Variants in GBE1 observed in about 807,000 individuals in gnomAD.
GBE1 encodes the protein 1,4-alpha-glucan-branching enzyme.
GBE1 carries 70 observed loss-of-function variants against 88.8 expected under a neutral mutation model. The observed-to-expected ratio is 0.79, with a 90% CI of 0.65 to 0.96. GBE1 has a LOEUF of 0.96. GBE1 is among the 40% of genes least tolerant of loss of function. GBE1 has a pLI of 0.00. For synonymous variants in GBE1, 284 were observed against 300.1 expected, an observed-to-expected ratio of 0.95 and a Z score of 0.56; for missense variants, 872 against 871.0, an observed-to-expected ratio of 1.00 and a Z score of -0.01.
chr3:81,730,736 G>A (rs1356030868), intron 1 of GBE1, among the ~76,000 whole-genome samples: 2 of 152,170 alleles, frequency 1.3e-5, no homozygotes, highest in African/African-American at 4.8e-5. Context: ...CTGAGATCCT[G>A]TAGGAATGAA....
chr3:81,684,456 A>T (rs1252199379), intron 2 of GBE1, among the ~76,000 whole-genome samples: 1 of 152,126 alleles, frequency 6.6e-6, no homozygotes, highest in African/African-American at 2.4e-5. Context: ...TCTCTTCCCA[A>T]CTTGCAGAGT....
At chr3:81,634,672 T>C (rs960499388) in intron 7 of GBE1, among the ~76,000 whole-genome samples, 3 of 152,134 alleles carry the variant, frequency 2.0e-5, no homozygotes, top group Non-Finnish European at 2.9e-5. Flanking sequence ...GTATTTTACT[T>C]TACATAAAAT....
At chr3:81,611,450 G>A (rs1270152173) in intron 7 of GBE1, among the ~76,000 whole-genome samples, 1 of 152,156 alleles carries the variant, frequency 6.6e-6, no homozygotes, top group African/African-American at 2.4e-5. Flanking sequence ...GCAGCCCAGG[G>A]TATAATATTC....
At chr3:81,538,419 TAA>T (rs943259847) in intron 12 of GBE1, among the ~76,000 whole-genome samples, 7 of 152,006 alleles carry the variant, frequency 4.6e-5, no homozygotes, top group Admixed American at 2.0e-4. Flanking sequence ...TAAAAATTAA[TAA>T]GTGTCTACAA....
At chr3:81,617,688 C>T (rs1704267374) in intron 7 of GBE1, among the ~76,000 whole-genome samples, 1 of 151,754 alleles carries the variant, frequency 6.6e-6, no homozygotes, top group Non-Finnish European at 1.5e-5. Flanking sequence ...CTTCTTATTA[C>T]TATCTTTATC....
intron 12 of GBE1, among the ~76,000 whole-genome samples, chr3:81,538,977 C>G (rs530655827): frequency 1.3e-3 from 193 of 152,116 alleles, no homozygotes; most frequent in Non-Finnish European, 2.4e-3. Context: ...ATCACGATGA[C>G]AGTAGAAGCA....
At chr3:81,581,409 G>C (rs1333864855) in intron 10 of GBE1, 134 bp from the exon 11 acceptor site, 2 of 575,350 alleles carry the variant, frequency 3.5e-6, no homozygotes, top group Admixed American at 3.8e-5. Context: ...ATATAGCAAA[G>C]TTATCACTGT....
chr3:81,514,223 G>A (rs1220623844), intron 14 of GBE1, among the ~76,000 whole-genome samples: 1 of 149,242 alleles, frequency 6.7e-6, no homozygotes. Context: ...GAACACATGA[G>A]AAAAAAAAAC....
At chr3:81,621,804 C>T (rs1016686351) in intron 7 of GBE1, among the ~76,000 whole-genome samples, 2 of 152,150 alleles carry the variant, frequency 1.3e-5, no homozygotes, top group Non-Finnish European at 2.9e-5. Context: ...CATATTTCCT[C>T]TCACCTGGAA....
At chr3:81,510,560 A>C (rs1702712060) in intron 14 of GBE1, among the ~76,000 whole-genome samples, 1 of 151,964 alleles carries the variant, frequency 6.6e-6, no homozygotes, top group Non-Finnish European at 1.5e-5. Context: ...CCATAACTAC[A>C]TCAGATTAAT....
Position 81,550,937 on chromosome 3 carries a change from C to T in GBE1, c.1619-13842G>A, listed in dbSNP as rs1210038260. ...TACTTTCTTAATAAACTTGCTTTCACTTTACTCTATGGACTTTCTCTGAAT... is the reference window on the plus strand; with the variant it reads ...TACTTTCTTAATAAACTTGCTTTCATTTTACTCTATGGACTTTCTCTGAAT... On this transcript the variant is annotated intron_variant, in intron 12 of 15. Coordinates refer to ENST00000429644, the MANE Select transcript of GBE1 (RefSeq NM_000158.4). Among the ~76,000 whole-genome samples the T allele has an allele frequency of 3.9e-5, 6 of 152,320 alleles. No individual in the cohort carries two copies. In the South Asian group the frequency reaches 1.2e-3, roughly 32 times the overall value.
chr3:81,578,124 A>T, intron 11 of GBE1, 28 bp from the exon 12 acceptor site: 1 of 1,527,404 alleles, frequency 6.5e-7, no homozygotes. Flanking sequence ...ATGGAGATAA[A>T]TGAAAAAAAA....
At chr3:81,745,031 T>G (rs75481736) in intron 1 of GBE1, among the ~76,000 whole-genome samples, 10,144 of 152,250 alleles carry the variant, frequency 0.067, 440 homozygotes, top group Middle Eastern at 0.12. Context: ...ATTAAATATC[T>G]ACTCTGTGTT....
At chr3:81,685,003 C>T (rs1705412175) in intron 2 of GBE1, among the ~76,000 whole-genome samples, 1 of 152,192 alleles carries the variant, frequency 6.6e-6, no homozygotes, top group South Asian at 2.1e-4. Flanking sequence ...ACATGCCTAG[C>T]ATTAACCTTG....
intron 1 of GBE1, among the ~76,000 whole-genome samples, chr3:81,716,256 T>G (rs1705935546): frequency 6.6e-6 from 1 of 152,166 alleles, no homozygotes; most frequent in Admixed American, 6.5e-5. Flanking sequence ...CTCAAATTAA[T>G]AAAATATATA....
At chr3:81,665,531 G>T (rs371043492) in intron 3 of GBE1, among the ~76,000 whole-genome samples, 2 of 131,472 alleles carry the variant, frequency 1.5e-5, no homozygotes, top group Admixed American at 7.8e-5. Flanking sequence ...GCGAGACTCC[G>T]TCTCAAAAAA....
At position 81,750,674 on chromosome 3, in the gene GBE1, CGTATAT is replaced by C. The variant is rs1559708990; in HGVS notation, c.143+10695_143+10700del. Among the ~76,000 whole-genome samples the C allele has an allele frequency of 3.1e-4, 17 of 54,440 alleles. 1 individual carries two copies. The highest frequency in any genetic ancestry group is 1.7e-3 in the East Asian group (1 of 590). 35.7% of individuals were successfully genotyped at this position (54,440 alleles called of 152,430 possible). A position where few individuals can be genotyped will look rare whatever the true frequency, so the allele number is the denominator to read the frequency against. ...ATATATATATGTATATATATATATA[CGTATAT>C]ATATATATATATATGTATTTTTTTT... On this transcript the variant is annotated intron_variant, in intron 1 of 15. Coordinates refer to ENST00000429644, the MANE Select transcript of GBE1 (RefSeq NM_000158.4).
intron 6 of GBE1, 73 bp downstream of exon 6, chr3:81,646,319 T>C: frequency 1.0e-6 from 1 of 977,486 alleles, no homozygotes; most frequent in Non-Finnish European, 1.6e-6. Context: ...TTATAAAAAA[T>C]GAACAATTTC....
chr3:81,648,536 T>C (rs1456187031), intron 5 of GBE1, among the ~76,000 whole-genome samples: 10 of 152,112 alleles, frequency 6.6e-5, no homozygotes, highest in Non-Finnish European at 1.5e-4. Flanking sequence ...TAGTCAATAA[T>C]CACTTAAATT....
Sources: allele counts gnomAD v4.1 joint callset (sites outside exome capture counted in the v4.1 genomes callset), GRCh38; gene constraint gnomAD v4.1.1; transcripts MANE v1.5; gene names NCBI Gene and HGNC (gene_info 2026-07-23, HGNC 2026-07-21).